INPP5J: variants seen among roughly 807,000 people sequenced by gnomAD.
The protein encoded by INPP5J is phosphatidylinositol 4,5-bisphosphate 5-phosphatase A.
In INPP5J, 75 loss-of-function variants were observed where a neutral mutation model predicts 86.6. The observed-to-expected ratio is 0.87, with a 90% CI of 0.72 to 1.05. INPP5J has a LOEUF of 1.05. Among genes scored for constraint, INPP5J ranks in the 50% least tolerant of loss-of-function variants. The probability of loss-of-function intolerance (pLI) is 0.00; values close to 1 mark genes in which losing one functional copy is unlikely to be tolerated. For missense variants in INPP5J, 1,229 were observed against 1,341.2 expected (o/e 0.92, Z 1.31); for synonymous variants, 540 against 550.0 (o/e 0.98, Z 0.25).
Position 31,134,174 on chromosome 22 carries a change from G to A in INPP5J, c.2776G>A (p.Asp926Asn). 1.3e-6 allele frequency: 2 copies of A among 1,549,794 alleles called. No individual in the cohort carries two copies. Among genetic ancestry groups the A allele is most frequent in the Non-Finnish European group, 1.7e-6 (2 of 1,146,452 alleles). ...QSRRLSRVAP[D>N]RSSNGSSRGS... The stretch of plus-strand genomic sequence containing the variant: ...CCGCCGCCTGTCCCGAGTGGCTCCT[G>A]ACAGGAGCAGTAATGGCAGCAGCCG... Residue 926 changes from aspartate to asparagine, a missense_variant, in exon 13 of 13, where the codon GAC becomes AAC. By Grantham distance (23) the Asp-to-Asn change is conservative. Coordinates refer to ENST00000331075, the MANE Select transcript of INPP5J (RefSeq NM_001284285.2).
intron 1 of INPP5J, among the ~76,000 whole-genome samples, 198 bp from the exon 2 acceptor site, chr22:31,124,647 G>C (rs1043920584): frequency 2.0e-5 from 3 of 152,188 alleles, no homozygotes; most frequent in Non-Finnish European, 2.9e-5. Flanking sequence ...TTAAAGGAGG[G>C]GTTAGGGTTT....
chr22:31,127,260 C>A, intron 5 of INPP5J, 97 bp from the exon 6 acceptor site: 1 of 1,180,862 alleles, frequency 8.5e-7, no homozygotes, highest in South Asian at 1.5e-5. Context: ...TAGGACCCAC[C>A]CACCTTCCAC....
At chr22:31,128,713 T>C (rs1921759651) in intron 9 of INPP5J, 59 bp downstream of exon 9, 1 of 1,418,478 alleles carries the variant, frequency 7.0e-7, no homozygotes. Context: ...GGCATACCAC[T>C]GCCCCTCACC....
chr22:31,128,152 C>T, intron 7 of INPP5J, 62 bp from the exon 8 acceptor site: 5 of 1,441,652 alleles, frequency 3.5e-6, no homozygotes, highest in Non-Finnish European at 3.8e-6. Context: ...CTGCCCCACC[C>T]CCTCCCTGGG....
rs571747613 is a variant in INPP5J, at chr22:31,125,093, C to T, written c.354C>T (p.Ala118=). 1.9e-6 allele frequency: 3 copies of T among 1,549,750 alleles called. No homozygotes were observed. The Admixed American group carries it at 5.9e-5, about 30-fold the overall frequency. ...CTGTGGGCCAGCTGGTGATGTCTGCCTCAGCTGGACCAAAGCCTCCCCCAG... is the reference window on the plus strand; with the variant it reads ...CTGTGGGCCAGCTGGTGATGTCTGCTTCAGCTGGACCAAAGCCTCCCCCAG... ...PTSVGQLVMS[A]SAGPKPPPAT... The change falls in exon 2 of 13, where the codon GCC becomes GCT. Residue 118 remains alanine (A), a synonymous_variant. Transcript: ENST00000331075.
intron 9 of INPP5J, among the ~76,000 whole-genome samples, chr22:31,129,974 G>A (rs1569288873): frequency 1.3e-5 from 2 of 152,292 alleles, no homozygotes; most frequent in South Asian, 4.2e-4. Flanking sequence ...TTGAGAGGCT[G>A]AGGTGGAAGG....
At chr22:31,122,882 TC>T, upstream of INPP5J, 1 of 611,726 alleles carries the variant, frequency 1.6e-6, no homozygotes, top group Non-Finnish European at 2.6e-6. Flanking sequence ...TTCGGCCTCT[TC>T]CAGGCTGGGA....
intron 4 of INPP5J, 83 bp downstream of exon 4, chr22:31,126,804 C>CCACA: frequency 6.9e-7 from 1 of 1,448,924 alleles, no homozygotes; most frequent in Non-Finnish European, 9.7e-7. Context: ...CTGTGGGGCC[C>CCACA]GCTGGGCCTC....
rs181127826 is a variant in INPP5J, at chr22:31,134,529, T to C, written c.*110T>C. The C allele has an allele frequency of 1.4e-3, 1,642 of 1,203,204 alleles. 4 individuals are homozygous for C. Among genetic ancestry groups the C allele is most frequent in the Middle Eastern group, 0.01 (37 of 3,650 alleles). 74.5% of individuals were successfully genotyped at this position (1,203,204 alleles called of 1,614,324 possible). A position where few individuals can be genotyped will look rare whatever the true frequency, so the allele number is the denominator to read the frequency against. The stretch of plus-strand genomic sequence containing the variant: ...CCAGCTGTATCTGCACCTGCCTCTC[T>C]GTCCTGGCCAGGGGTGGACAACTGG... On this transcript the variant is annotated 3_prime_UTR_variant, in exon 13 of 13. Transcript: ENST00000331075.
chr22:31,134,323 C>T lies in INPP5J; in HGVS notation c.2925C>T (p.Gly975=), dbSNP rs2147889584. ...RLETVDPGGG[G]SWGPDREALA... is the part of the protein sequence containing the mutation. ...AGACTGTAGACCCTGGTGGTGGTGGCTCCTGGGGACCTGATCGGGAGGCCC... is the reference window on the plus strand; with the variant it reads ...AGACTGTAGACCCTGGTGGTGGTGGTTCCTGGGGACCTGATCGGGAGGCCC... The change falls in exon 13 of 13, where the codon GGC becomes GGT. Residue 975 remains glycine (G), a synonymous_variant. Coordinates refer to ENST00000331075, the MANE Select transcript of INPP5J (RefSeq NM_001284285.2). 1.3e-6 allele frequency: 2 copies of T among 1,552,210 alleles called. No individual in the cohort carries two copies. The highest frequency in any genetic ancestry group is 2.7e-5 in the African/African-American group (2 of 73,452).
chr22:31,125,593 C>A lies in INPP5J; in HGVS notation c.854C>A (p.Pro285His). 1 of 1,550,582 alleles carries A rather than the reference C, an allele frequency of 6.4e-7. No homozygotes were observed. Among genetic ancestry groups the A allele is most frequent in the Non-Finnish European group, 8.7e-7 (1 of 1,146,990 alleles). ...PRLSPSFRAR[P>H]EALHSSPEDP... Reference sequence around the variant, plus strand: ...CTCTCCCCCTCCTTCCGAGCCCGGCCTGAGGCCCTCCACAGCAGCCCTGAG... The same window carrying A: ...CTCTCCCCCTCCTTCCGAGCCCGGCATGAGGCCCTCCACAGCAGCCCTGAG... The change falls in exon 2 of 13, where the codon CCT (proline) becomes CAT (histidine). Residue 285 changes from proline to histidine, a missense_variant. Transcript: ENST00000331075.
At position 31,133,103 on chromosome 22, in the gene INPP5J, C is replaced by T; in HGVS notation, c.2199C>T (p.Ala733=). Residue 733 remains alanine, a synonymous_variant, in exon 10 of 13, where the codon GCC becomes GCT. Coordinates refer to ENST00000331075, the MANE Select transcript of INPP5J (RefSeq NM_001284285.2). ...CCCCTGCCTTGCCTGGACAGTTTGC[C>T]TTCAGGGACGACATGCCACTGGTGC... ...PVAAQFLLQF[A]FRDDMPLVRL... 6.4e-7 allele frequency: 1 copy of T among 1,560,764 alleles called. No homozygotes were observed. Among genetic ancestry groups the T allele is most frequent in the African/African-American group, 1.4e-5 (1 of 73,650 alleles).
rs200880716 is a variant in INPP5J at position 31,133,917 on chromosome 22, C to T, written c.2519C>T (p.Ser840Leu). 3.7e-6 allele frequency: 6 copies of T among 1,610,116 alleles called. No individual in the cohort carries two copies. The African/African-American group carries it at 4.0e-5, about 11-fold the overall frequency. Residue 840 changes from serine (S) to leucine (L), a missense_variant, in exon 13 of 13, where the codon TCG (serine) becomes TTG (leucine). Physicochemically the swap from Ser to Leu is moderately radical, Grantham distance 145. Transcript: ENST00000331075. ...LIGITEPFQI[S>L]LPSSELASSS... The stretch of plus-strand genomic sequence containing the variant: ...AGTGACCAGCATTTCCCCCAGATCT[C>T]GCTGCCTTCCTCGGAGTTGGCCAGC...
At chr22:31,124,461 C>T (rs575127615) in intron 1 of INPP5J, among the ~76,000 whole-genome samples, 4 of 152,290 alleles carry the variant, frequency 2.6e-5, no homozygotes, top group East Asian at 1.9e-4. Context: ...GGTCAGTAGC[C>T]GTGGCTGGGG....
Position 31,128,604 on chromosome 22 carries a change from G to A in INPP5J, c.2143G>A (p.Glu715Lys), listed in dbSNP as rs1325844838. ...VTQHSYRSHM[E>K]YTVSDHKPVA... ...GCAGCACAGCTACCGCAGCCACATGGAATACACAGTCAGCGACCACAAGCC... is the reference window on the plus strand; with the variant it reads ...GCAGCACAGCTACCGCAGCCACATGAAATACACAGTCAGCGACCACAAGCC... Residue 715 changes from glutamate to lysine, a missense_variant, in exon 9 of 13, where the codon GAA becomes AAA. By Grantham distance (56) the Glu-to-Lys change is moderately conservative (BLOSUM62 1). Coordinates refer to ENST00000331075, the MANE Select transcript of INPP5J (RefSeq NM_001284285.2). 1 of 1,611,434 alleles carries A rather than the reference G, an allele frequency of 6.2e-7. No individual in the cohort carries two copies. Among genetic ancestry groups the A allele is most frequent in the Admixed American group, 1.7e-5 (1 of 59,680 alleles).
At position 31,127,368 on chromosome 22, in the gene INPP5J, T is replaced by A. The variant is rs1415200036; in HGVS notation, c.1623T>A (p.Gly541=). 1.9e-6 allele frequency: 3 copies of A among 1,610,464 alleles called. No homozygotes were observed. The African/African-American group carries it at 4.0e-5, about 22-fold the overall frequency. The change falls in exon 6 of 13, where the codon GGT becomes GGA. Residue 541 remains glycine (G), a synonymous_variant. Coordinates refer to ENST00000331075, the MANE Select transcript of INPP5J (RefSeq NM_001284285.2). ...TGLGGYWGNK[G]GVSVRLAAFG... The stretch of plus-strand genomic sequence containing the variant: ...CCCTGCCTCCCTAGGGTAACAAGGG[T>A]GGCGTGAGCGTGCGCCTGGCGGCCT...
In INPP5J at chr22:31,128,503, G is replaced by T; in HGVS notation, c.2042G>T (p.Arg681Leu). 6.2e-7 allele frequency: 1 copy of T among 1,613,504 alleles called. No individual in the cohort carries two copies. The highest frequency in any genetic ancestry group is 8.5e-7 in the Non-Finnish European group (1 of 1,179,848). ...AKKRKPAWTD[R>L]ILWKVKAPGG... Reference sequence around the variant, plus strand: ...AAACGGAAGCCAGCTTGGACAGACCGTATCCTATGGAAGGTCAAGGCTCCA... The same window carrying T: ...AAACGGAAGCCAGCTTGGACAGACCTTATCCTATGGAAGGTCAAGGCTCCA... Residue 681 changes from arginine (R) to leucine (L), a missense_variant, in exon 9 of 13, where the codon CGT becomes CTT. Arg to Leu is a moderately radical substitution (Grantham distance 102). Transcript: ENST00000331075.
chr22:31,129,588 G>C (rs924541730), intron 9 of INPP5J, among the ~76,000 whole-genome samples: 21 of 141,814 alleles, frequency 1.5e-4, no homozygotes, highest in Non-Finnish European at 3.0e-4. Flanking sequence ...CTGTTGCCCA[G>C]GCTGGAGTGC....
rs953549250 is a variant in INPP5J at position 31,133,022 on chromosome 22, C to T, written c.2194-76C>T. On this transcript the variant is annotated intron_variant, in intron 9 of 12. Transcript: ENST00000331075. ...TTGTCTCAGGCAATTTGTGCTAAGA[C>T]CCAAGAGCCTTAAGTGTGTGGGATA... The T allele has an allele frequency of 2.3e-5, 35 of 1,534,896 alleles. No individual in the cohort carries two copies. The East Asian group carries it at 6.9e-4, about 30-fold the overall frequency.
Sources: allele counts gnomAD v4.1 joint callset (sites outside exome capture counted in the v4.1 genomes callset), GRCh38; gene constraint gnomAD v4.1.1; transcripts MANE v1.5; gene names NCBI Gene and HGNC (gene_info 2026-07-23, HGNC 2026-07-21).